The following RSPO3 variants were observed in gnomAD, a reference collection of about 807,000 sequenced individuals.
The protein encoded by RSPO3 is R-spondin 3.
RSPO3 carries 17 observed loss-of-function variants against 36.5 expected under a neutral mutation model. The ratio of observed to expected loss-of-function variants is 0.47; its 90% CI spans 0.32 to 0.70. The LOEUF is 0.70. RSPO3 is among the 30% of genes least tolerant of loss of function. The pLI is 0.04. For missense variants in RSPO3, 294 were observed against 322.5 expected (o/e 0.91, Z 0.68); for synonymous variants, 108 against 107.0 (o/e 1.01, Z -0.06).
chr6:127,164,588 C>G (rs1002878341), intron 4 of RSPO3, among the ~76,000 whole-genome samples: 3 of 151,842 alleles, frequency 2.0e-5, no homozygotes, highest in Admixed American at 6.6e-5. Context: ...AAATAATCTA[C>G]TATGCATATG....
At position 127,168,596 on chromosome 6, in the gene RSPO3, A is replaced by G. The variant is rs371622056; in HGVS notation, c.634+13158A>G. Reference sequence around the variant, plus strand: ...TTCTTTTGCTGTGCAGAAGCTCTTTAGTTTAATTAGATCCCATTTGTCAAT... The same window carrying G: ...TTCTTTTGCTGTGCAGAAGCTCTTTGGTTTAATTAGATCCCATTTGTCAAT... On this transcript the variant is annotated intron_variant, in intron 4 of 4. Coordinates refer to ENST00000356698, the MANE Select transcript of RSPO3 (RefSeq NM_032784.5). Among the ~76,000 whole-genome samples, 9 of 152,084 alleles carry G rather than the reference A, an allele frequency of 5.9e-5. No homozygotes were observed. In the East Asian group the frequency reaches 7.8e-4, roughly 13 times the overall value.
chr6:127,138,093 A>C (rs548344835), intron 1 of RSPO3, among the ~76,000 whole-genome samples: 3 of 152,180 alleles, frequency 2.0e-5, no homozygotes, highest in Admixed American at 2.0e-4. Flanking sequence ...AATCCACTGG[A>C]TTCACTTCCA....
In RSPO3 at chr6:127,144,643, G is replaced by GTTTTTTTGTT. The variant is rs763226451; in HGVS notation, c.98-3998_98-3997insGTTTTTTTTT. Among the ~76,000 whole-genome samples, 2 of 99,130 alleles carry GTTTTTTTGTT rather than the reference G, an allele frequency of 2.0e-5. 1 individual carries two copies. The highest frequency in any genetic ancestry group is 3.9e-5 in the Non-Finnish European group (2 of 51,092). 65.0% of individuals were successfully genotyped at this position (99,130 alleles called of 152,430 possible). On this transcript the variant is annotated intron_variant, in intron 1 of 4. Transcript: ENST00000356698. ...TGTAATTTTTCAGTAGCTTCCCCTT[G>GTTTTTTTGTT]TTTTTTTTTTTTTCAGACAGAGTCT...
At chr6:127,122,397 T>C (rs1562238354) in intron 1 of RSPO3, among the ~76,000 whole-genome samples, 1 of 152,234 alleles carries the variant, frequency 6.6e-6, no homozygotes, top group Non-Finnish European at 1.5e-5. Context: ...GAAGCACTTT[T>C]TTTTTGCCAT....
chr6:127,187,144 T>C (rs1775311696), intron 4 of RSPO3, among the ~76,000 whole-genome samples: 1 of 151,782 alleles, frequency 6.6e-6, no homozygotes, highest in Admixed American at 6.6e-5. Context: ...AGAGTACGAG[T>C]GTTACAAAAA....
intron 3 of RSPO3, among the ~76,000 whole-genome samples, chr6:127,152,741 T>G (rs1774515302): frequency 6.6e-6 from 1 of 152,122 alleles, no homozygotes; most frequent in Non-Finnish European, 1.5e-5. Flanking sequence ...TTCCATGGTT[T>G]GCAGGTGAAA....
intron 1 of RSPO3, among the ~76,000 whole-genome samples, chr6:127,122,149 A>C (rs1773858430): frequency 6.6e-6 from 1 of 152,188 alleles, no homozygotes; most frequent in Non-Finnish European, 1.5e-5. Flanking sequence ...TGTTTCCCTA[A>C]AACAACTGTA....
intron 4 of RSPO3, among the ~76,000 whole-genome samples, chr6:127,155,897 C>T (rs1184320465): frequency 1.4e-5 from 2 of 144,772 alleles, no homozygotes; most frequent in African/African-American, 5.4e-5. Context: ...TATATACACA[C>T]ACACACACAT....
At chr6:127,186,154 A>C (rs747747780) in intron 4 of RSPO3, among the ~76,000 whole-genome samples, 11 of 152,120 alleles carry the variant, frequency 7.2e-5, no homozygotes, top group Non-Finnish European at 8.8e-5. Context: ...GTTAATTGGA[A>C]AGTTATATTC....
At chr6:127,143,149 T>C (rs1198323689) in intron 1 of RSPO3, among the ~76,000 whole-genome samples, 1 of 152,166 alleles carries the variant, frequency 6.6e-6, no homozygotes, top group African/African-American at 2.4e-5. Context: ...TTGTGTTCAT[T>C]CCTTCAATAA....
chr6:127,124,709 C>T (rs902453398), intron 1 of RSPO3, among the ~76,000 whole-genome samples: 2 of 152,014 alleles, frequency 1.3e-5, no homozygotes, highest in Non-Finnish European at 2.9e-5. Context: ...GCAACCATAA[C>T]TAAACACATG....
chr6:127,122,328 A>G (rs1773862006), intron 1 of RSPO3, among the ~76,000 whole-genome samples: 1 of 152,236 alleles, frequency 6.6e-6, no homozygotes, highest in Non-Finnish European at 1.5e-5. Flanking sequence ...TTGAATTGGT[A>G]TACAGCTCTT....
chr6:127,194,388 A>G (rs1194888703), intron 4 of RSPO3, among the ~76,000 whole-genome samples: 1 of 152,226 alleles, frequency 6.6e-6, no homozygotes, highest in East Asian at 1.9e-4. Context: ...GTCATACCTC[A>G]GGAAACAGTT....
At chr6:127,155,152 A>G (rs1472218759) in intron 3 of RSPO3, 89 bp from the exon 4 acceptor site, 2 of 1,297,254 alleles carry the variant, frequency 1.5e-6, no homozygotes, top group Admixed American at 3.5e-5. Flanking sequence ...AATGTGGGCA[A>G]GTTCTGATGG....
intron 4 of RSPO3, among the ~76,000 whole-genome samples, chr6:127,178,696 A>C (rs775824931): frequency 2.0e-4 from 31 of 151,818 alleles, no homozygotes; most frequent in Non-Finnish European, 3.5e-4. Context: ...TACTTCAAAA[A>C]TATGAAAATA....
intron 1 of RSPO3, among the ~76,000 whole-genome samples, chr6:127,130,078 C>A (rs1055283266): frequency 2.3e-4 from 35 of 152,158 alleles, no homozygotes; most frequent in African/African-American, 8.2e-4. Context: ...TTGTAAGTAT[C>A]TAAGTAGAAA....
At chr6:127,129,648 AT>A (rs369066769) in intron 1 of RSPO3, among the ~76,000 whole-genome samples, 18 of 151,954 alleles carry the variant, frequency 1.2e-4, no homozygotes, top group Admixed American at 2.6e-4. Context: ...TTTTTCACTA[AT>A]TTTTTTCCCA....
rs1344281190 is a variant in RSPO3 at position 127,196,154 on chromosome 6, T to C, written c.*147T>C. 3.5e-6 allele frequency: 2 copies of C among 565,568 alleles called. No homozygotes were observed. Among genetic ancestry groups the C allele is most frequent in the African/African-American group, 1.9e-5 (1 of 52,680 alleles). The allele number at this position is 565,568 out of a possible 1,614,324, so 35.0% of individuals were successfully genotyped here. On this transcript the variant is annotated 3_prime_UTR_variant, in exon 5 of 5. Coordinates refer to ENST00000356698, the MANE Select transcript of RSPO3 (RefSeq NM_032784.5). ...TTCCCAGTAGTTGCTATATTCTTCA[T>C]ACAAGCATAGTTAACAACAAAGAGC... is the stretch of plus-strand genomic sequence containing the variant.
intron 1 of RSPO3, among the ~76,000 whole-genome samples, chr6:127,148,202 T>C (rs1774424850): frequency 6.6e-6 from 1 of 152,028 alleles, no homozygotes; most frequent in African/African-American, 2.4e-5. Context: ...TTATCCTCCA[T>C]TACATAAATG....
Sources: allele counts gnomAD v4.1 joint callset (sites outside exome capture counted in the v4.1 genomes callset), GRCh38; gene constraint gnomAD v4.1.1; transcripts MANE v1.5; gene names NCBI Gene and HGNC (gene_info 2026-07-23, HGNC 2026-07-21).